Variants in FRYL observed in about 807,000 individuals in gnomAD.
The protein encoded by FRYL is FRY like transcription coactivator.
FRYL carries 150 observed loss-of-function variants against 351.2 expected under a neutral mutation model. That is an observed-to-expected ratio of 0.43 (90% CI 0.37 to 0.49). The LOEUF (loss-of-function observed/expected upper bound fraction) is 0.49. FRYL is among the 20% of genes least tolerant of loss of function. The pLI is 0.00. For synonymous variants in FRYL, 1,153 were observed against 1,257.1 expected (o/e 0.92, Z 1.75); for missense variants, 3,036 against 3,619.3 (o/e 0.84, Z 4.13).
intron 45 of FRYL, 55 bp downstream of exon 45, chr4:48,541,972 T>G: frequency 8.8e-7 from 1 of 1,140,710 alleles, no homozygotes; most frequent in East Asian, 2.3e-5. Context: ...TATAGCTATA[T>G]GTAGTTAGCT....
chr4:48,685,902 C>T lies in FRYL; in HGVS notation c.-203-1107G>A, dbSNP rs184052722. Reference sequence around the variant, plus strand: ...CTGAGTAGCTAGGATTACAGGTATCCGCCACCACGCCCGGCTAATTTTTTG... The same window carrying T: ...CTGAGTAGCTAGGATTACAGGTATCTGCCACCACGCCCGGCTAATTTTTTG... On this transcript the variant is annotated intron_variant, in intron 2 of 63. Coordinates refer to ENST00000358350, the MANE Select transcript of FRYL (RefSeq NM_015030.2). 1.9e-4 allele frequency among the ~76,000 whole-genome samples: 29 copies of T among 152,134 alleles called. No homozygotes were observed. The South Asian group carries it at 2.5e-3, about 13-fold the overall frequency.
chr4:48,773,757 T>G (rs962934990), intron 1 of FRYL, among the ~76,000 whole-genome samples: 5 of 152,096 alleles, frequency 3.3e-5, no homozygotes, highest in African/African-American at 1.2e-4. Flanking sequence ...AAGATCCTCT[T>G]TCTACAAAAA....
chr4:48,639,199 T>C (rs1391469834), intron 3 of FRYL, among the ~76,000 whole-genome samples: 2 of 151,994 alleles, frequency 1.3e-5, no homozygotes, highest in Non-Finnish European at 2.9e-5. Flanking sequence ...TCAACAAGCA[T>C]ATTCTGAAGT....
chr4:48,553,850 C>T (rs1733475999), intron 35 of FRYL, among the ~76,000 whole-genome samples: 1 of 152,078 alleles, frequency 6.6e-6, no homozygotes, highest in Non-Finnish European at 1.5e-5. Flanking sequence ...AGAACTAGAA[C>T]TAAATTAGAA....
At chr4:48,547,198 G>C (rs191757269) in intron 41 of FRYL, among the ~76,000 whole-genome samples, 183 of 152,264 alleles carry the variant, frequency 1.2e-3, no homozygotes, top group African/African-American at 4.1e-3. Flanking sequence ...TTTTAATGCA[G>C]TAAATATAAT....
intron 36 of FRYL, 54 bp downstream of exon 36, chr4:48,553,161 C>T (rs1733274133): frequency 7.2e-7 from 1 of 1,395,584 alleles, no homozygotes. Context: ...CATAGTGAAG[C>T]AGATGAAGAT....
chr4:48,720,473 G>A (rs1769345596), intron 1 of FRYL, among the ~76,000 whole-genome samples: 1 of 151,784 alleles, frequency 6.6e-6, no homozygotes, highest in African/African-American at 2.4e-5. Flanking sequence ...CTCCAGGCCT[G>A]GGCAACAGAG....
At chr4:48,566,040 A>G (rs1560618755) in intron 28 of FRYL, among the ~76,000 whole-genome samples, 1 of 152,214 alleles carries the variant, frequency 6.6e-6, no homozygotes, top group Non-Finnish European at 1.5e-5. Flanking sequence ...CCAAGATTTT[A>G]ACACAGACAC....
chr4:48,511,460 A>C (rs1442484047), intron 57 of FRYL, among the ~76,000 whole-genome samples: 1 of 152,208 alleles, frequency 6.6e-6, no homozygotes, highest in East Asian at 1.9e-4. Context: ...AGGAATATTC[A>C]TTTCCATAAA....
At chr4:48,712,687 G>A (rs1768234535) in intron 1 of FRYL, among the ~76,000 whole-genome samples, 1 of 152,156 alleles carries the variant, frequency 6.6e-6, no homozygotes, top group Non-Finnish European at 1.5e-5. Context: ...AGCAAGGCAG[G>A]CCAACATTCA....
chr4:48,730,993 A>G (rs1202074195), intron 1 of FRYL, among the ~76,000 whole-genome samples: 1 of 152,208 alleles, frequency 6.6e-6, no homozygotes, highest in African/African-American at 2.4e-5. Context: ...GCAACGCCAC[A>G]CATAGGCTCA....
chr4:48,773,610 G>A (rs1229478806), intron 1 of FRYL, among the ~76,000 whole-genome samples: 3 of 152,110 alleles, frequency 2.0e-5, no homozygotes, highest in African/African-American at 7.2e-5. Flanking sequence ...TCCAGGCTTA[G>A]GTAGAATAAT....
At chr4:48,667,922 A>G (rs1482745618) in intron 3 of FRYL, among the ~76,000 whole-genome samples, 1 of 152,212 alleles carries the variant, frequency 6.6e-6, no homozygotes, top group African/African-American at 2.4e-5. Flanking sequence ...TGCTGTGATT[A>G]CAGGCGAGAG....
intron 3 of FRYL, among the ~76,000 whole-genome samples, chr4:48,669,279 C>A (rs1194328342): frequency 1.3e-5 from 2 of 152,122 alleles, no homozygotes; most frequent in Non-Finnish European, 2.9e-5. Context: ...AGCAACTGAA[C>A]AATTAGAGCA....
At chr4:48,582,101 GC>G (rs1263905144) in intron 20 of FRYL, among the ~76,000 whole-genome samples, 1 of 152,166 alleles carries the variant, frequency 6.6e-6, no homozygotes, top group African/African-American at 2.4e-5. Flanking sequence ...AATGATTTGA[GC>G]ATCTTTTATG....
chr4:48,655,972 C>A (rs1343203972), intron 3 of FRYL, among the ~76,000 whole-genome samples: 1 of 136,388 alleles, frequency 7.3e-6, no homozygotes, highest in Non-Finnish European at 1.5e-5. Flanking sequence ...ATATAATGTG[C>A]ATTATATATA....
At chr4:48,715,049 C>A (rs7656849) in intron 1 of FRYL, among the ~76,000 whole-genome samples, 22,603 of 151,948 alleles carry the variant, frequency 0.15, 2,061 homozygotes, top group Middle Eastern at 0.24. Flanking sequence ...AGATGCAGAA[C>A]AGGCCTTTGA....
At position 48,656,727 on chromosome 4, in the gene FRYL, A is replaced by T. The variant is rs200983582; in HGVS notation, c.-80-22237T>A. On this transcript the variant is annotated intron_variant, in intron 3 of 63. Coordinates refer to ENST00000358350, the MANE Select transcript of FRYL (RefSeq NM_015030.2). ...TATATAAAATGTATATATATGACTG[A>T]CTATATATATATATATTTATTTATC... Among the ~76,000 whole-genome samples the T allele has an allele frequency of 1.5e-3, 21 of 13,998 alleles. 1 individual carries two copies. The highest frequency in any genetic ancestry group is 7.6e-3 in the Admixed American group (4 of 526). The allele number at this position is 13,998 out of a possible 152,430, so 9.2% of individuals were successfully genotyped here.
rs1189295158 is a variant in FRYL, at chr4:48,595,947, C to G, written c.1089G>C (p.Leu363Phe). Residue 363 changes from leucine to phenylalanine, a missense_variant, in exon 14 of 64, where the codon TTG becomes TTC. Physicochemically the swap from Leu to Phe is conservative, Grantham distance 22. This residue lies in a region of FRYL where 457 missense variants were observed against 566.6 expected (regional missense o/e 0.81). Coordinates refer to ENST00000358350, the MANE Select transcript of FRYL (RefSeq NM_015030.2). ...RVALESLYRL[L>F]WVYVIRIKCE... Reference sequence around the variant, plus strand: ...ATTTTATTCTAATTACATAAACCCACAATAATCTATACAAAGATTCCAGTG... The same window carrying G: ...ATTTTATTCTAATTACATAAACCCAGAATAATCTATACAAAGATTCCAGTG... The G allele has an allele frequency of 6.2e-7, 1 of 1,606,886 alleles. No homozygotes were observed. The highest frequency in any genetic ancestry group is 8.5e-7 in the Non-Finnish European group (1 of 1,177,524).
Sources: allele counts gnomAD v4.1 joint callset (sites outside exome capture counted in the v4.1 genomes callset), GRCh38; gene constraint gnomAD v4.1.1; regional missense constraint gnomAD v4.1.1; transcripts MANE v1.5; gene names NCBI Gene and HGNC (gene_info 2026-07-23, HGNC 2026-07-21).